The following TP63 variants were observed in gnomAD, a reference collection of about 807,000 sequenced individuals.
TP63 encodes tumor protein 63.
In TP63, 17 loss-of-function variants were observed where a neutral mutation model predicts 82.8. That is an observed-to-expected ratio of 0.21 (90% CI 0.14 to 0.31). TP63 has a LOEUF of 0.31. TP63 is among the 10% of genes least tolerant of loss of function. The pLI is 1.00. For synonymous variants in TP63, 330 were observed against 321.7 expected (o/e 1.03, Z -0.28); for missense variants, 648 against 895.3 (o/e 0.72, Z 3.52).
the TP63 span, among the ~76,000 whole-genome samples, chr3:189,617,025 G>A: frequency 6.6e-6 from 1 of 152,086 alleles, no homozygotes; most frequent in East Asian, 1.9e-4. Flanking sequence ...TTCCTTCTTT[G>A]TGGTATGGGA....
At chr3:189,599,412 C>T in the TP63 span, among the ~76,000 whole-genome samples, 1 of 152,156 alleles carries the variant, frequency 6.6e-6, no homozygotes, top group Non-Finnish European at 1.5e-5. Flanking sequence ...GGACTTGTAA[C>T]CACAGCCTGA....
At chr3:189,758,749 A>G (rs1025822844) in intron 3 of TP63, among the ~76,000 whole-genome samples, 5 of 152,186 alleles carry the variant, frequency 3.3e-5, no homozygotes, top group Non-Finnish European at 7.3e-5. Flanking sequence ...GGTTGCCACT[A>G]ACATACTTTG....
upstream of TP63, among the ~76,000 whole-genome samples, chr3:189,627,444 C>T (rs562248817): frequency 2.6e-5 from 4 of 152,078 alleles, no homozygotes; most frequent in African/African-American, 9.7e-5. Context: ...CAGAAGAATA[C>T]GTACCATATG....
At chr3:189,785,507 C>A (rs1394397757) in intron 3 of TP63, among the ~76,000 whole-genome samples, 1 of 151,978 alleles carries the variant, frequency 6.6e-6, no homozygotes, top group African/African-American at 2.4e-5. Context: ...GAAGGTTTAA[C>A]TTCAACTAGG....
At chr3:189,730,182 T>C (rs1297667380) in intron 1 of TP63, among the ~76,000 whole-genome samples, 8 of 152,220 alleles carry the variant, frequency 5.3e-5, no homozygotes, top group African/African-American at 9.6e-5. Flanking sequence ...GGGTTGAGGA[T>C]ACTTCCAGAG....
chr3:189,864,401 G>A lies in TP63; in HGVS notation c.749G>A (p.Ser250Asn). 2 of 1,613,446 alleles carry A rather than the reference G, an allele frequency of 1.2e-6. No individual in the cohort carries two copies. The highest frequency in any genetic ancestry group is 1.7e-6 in the Non-Finnish European group (2 of 1,179,546). Residue 250 changes from serine to asparagine, a missense_variant, in exon 5 of 14, where the codon AGC becomes AAC. Ser to Asn is a conservative substitution (Grantham distance 46). Coordinates refer to ENST00000264731, the MANE Select transcript of TP63 (RefSeq NM_003722.5). ...VVKRCPNHEL[S>N]REFNEGQIAP... Reference sequence around the variant, plus strand: ...AAGCGGTGCCCCAACCATGAGCTGAGCCGTGAATTCAACGAGGGTAAGCAG... The same window carrying A: ...AAGCGGTGCCCCAACCATGAGCTGAACCGTGAATTCAACGAGGGTAAGCAG...
chr3:189,894,274 G>A lies in TP63; in HGVS notation c.1815G>A (p.Arg605=), dbSNP rs1721300722. The change falls in exon 14 of 14, where the codon CGG becomes CGA. Residue 605 remains arginine (R), a synonymous_variant. Transcript: ENST00000264731. ...HAIWKGILDH[R]QLHEFSSPSH... ...TCTGGAAGGGCATCCTGGACCACCG[G>A]CAGCTCCACGAATTCTCCTCCCCTT... The A allele has an allele frequency of 1.2e-6, 2 of 1,613,940 alleles. No homozygotes were observed. The highest frequency in any genetic ancestry group is 1.7e-6 in the Non-Finnish European group (2 of 1,180,010).
chr3:189,598,221 G>A, the TP63 span, among the ~76,000 whole-genome samples: 14 of 151,104 alleles, frequency 9.3e-5, no homozygotes, highest in South Asian at 4.2e-4. Flanking sequence ...AATCTAGCAT[G>A]CATATAATTG....
At chr3:189,738,955 G>A (rs753280569) in intron 3 of TP63, 181 bp downstream of exon 3, 21 of 788,770 alleles carry the variant, frequency 2.7e-5, no homozygotes, top group African/African-American at 5.2e-5. Context: ...TGGGTCTGCC[G>A]CAAATATCTA....
At chr3:189,885,180 C>CA (rs1720312866) in intron 10 of TP63, among the ~76,000 whole-genome samples, 1 of 152,196 alleles carries the variant, frequency 6.6e-6, no homozygotes, top group African/African-American at 2.4e-5. Context: ...TTTCCCATAA[C>CA]AGACTAGACA....
chr3:189,631,353 T>A, upstream of TP63: 1 of 1,473,754 alleles, frequency 6.8e-7, no homozygotes, highest in African/African-American at 1.4e-5. Flanking sequence ...TCCGCCTCTT[T>A]GCAAATATGT....
At chr3:189,658,238 T>G (rs1713561548) in intron 1 of TP63, among the ~76,000 whole-genome samples, 1 of 152,042 alleles carries the variant, frequency 6.6e-6, no homozygotes, top group Non-Finnish European at 1.5e-5. Context: ...AAATATTAAA[T>G]GAATATTCAT....
At chr3:189,750,497 A>G (rs1455076943) in intron 3 of TP63, among the ~76,000 whole-genome samples, 2 of 152,250 alleles carry the variant, frequency 1.3e-5, no homozygotes, top group Non-Finnish European at 2.9e-5. Context: ...ACACATAGAA[A>G]TGATAAATAC....
At chr3:189,851,932 G>C (rs1042212660) in intron 4 of TP63, among the ~76,000 whole-genome samples, 7 of 152,166 alleles carry the variant, frequency 4.6e-5, no homozygotes, top group Middle Eastern at 3.2e-3. Flanking sequence ...ATCTGGTGAG[G>C]AGGACGTGAA....
At chr3:189,705,177 T>C (rs1318830888) in intron 1 of TP63, among the ~76,000 whole-genome samples, 2 of 152,234 alleles carry the variant, frequency 1.3e-5, no homozygotes, top group Non-Finnish European at 2.9e-5. Flanking sequence ...TAGTGCAGAC[T>C]CAAGAGCTTA....
intron 3 of TP63, among the ~76,000 whole-genome samples, chr3:189,763,635 A>G (rs555992728): frequency 7.9e-5 from 12 of 152,340 alleles, no homozygotes; most frequent in Middle Eastern, 3.4e-3. Flanking sequence ...TGGTCACTTG[A>G]AAGAGGTGGG....
chr3:189,892,166 T>G (rs1370262609), intron 13 of TP63, among the ~76,000 whole-genome samples: 1 of 152,060 alleles, frequency 6.6e-6, no homozygotes, highest in African/African-American at 2.4e-5. Flanking sequence ...TTTGAGAGAG[T>G]CTCCTGTAGT....
rs202072069 is a variant in TP63, at chr3:189,642,978, A to AATTTATTTATTTATTTATTTATTT, written c.62+11413_62+11436dup. Among the ~76,000 whole-genome samples, 158 of 137,788 alleles carry AATTTATTTATTTATTTATTTATTT rather than the reference A, an allele frequency of 1.1e-3. 1 individual carries two copies. Among genetic ancestry groups the AATTTATTTATTTATTTATTTATTT allele is most frequent in the Non-Finnish European group, 1.7e-3 (106 of 63,214 alleles). 90.4% of individuals were successfully genotyped at this position (137,788 alleles called of 152,430 possible). On this transcript the variant is annotated intron_variant, in intron 1 of 13. Coordinates refer to ENST00000264731, the MANE Select transcript of TP63 (RefSeq NM_003722.5). ...CCCTTAACTTAATTCCAGACAGCCA[A>AATTTATTTATTTATTTATTTATTT]ATTTATTTATTTATTTATTTATTTA...
intron 4 of TP63, among the ~76,000 whole-genome samples, chr3:189,820,241 T>C (rs1728664070): frequency 6.6e-6 from 1 of 152,206 alleles, no homozygotes; most frequent in Non-Finnish European, 1.5e-5. Context: ...AGAAAATGAC[T>C]CACTCAGCCT....
Sources: gnomAD v4.1 joint callset for allele counts (sites outside exome capture counted in the v4.1 genomes callset) on GRCh38, gnomAD v4.1.1 for gene constraint, MANE v1.5 for transcripts, NCBI Gene and HGNC (gene_info 2026-07-23, HGNC 2026-07-21) for gene names.